Variants in CFAP299 observed in about 807,000 individuals in gnomAD.
The protein encoded by CFAP299 is cilia- and flagella-associated protein 299.
A neutral mutation model predicts 27.0 loss-of-function variants in CFAP299; 21 were observed. The observed-to-expected ratio is 0.78, with a 90% CI of 0.55 to 1.12. The LOEUF (loss-of-function observed/expected upper bound fraction) is 1.12. CFAP299 is among the 50% of genes most tolerant of loss of function. The pLI, the probability that CFAP299 is intolerant of heterozygous loss-of-function variation, is 0.00. For missense variants in CFAP299, 310 were observed against 276.6 expected, an observed-to-expected ratio of 1.12 and a Z score of -0.86; for synonymous variants, 104 against 98.1, an observed-to-expected ratio of 1.06 and a Z score of -0.36.
chr4:80,593,685 G>A (rs1262520840), intron 3 of CFAP299, among the ~76,000 whole-genome samples: 1 of 152,070 alleles, frequency 6.6e-6, no homozygotes, highest in East Asian at 1.9e-4. Flanking sequence ...TACTGATTTT[G>A]TGTTGTTCAT....
intron 3 of CFAP299, among the ~76,000 whole-genome samples, chr4:80,736,813 G>A (rs1190774402): frequency 6.6e-6 from 1 of 152,124 alleles, no homozygotes; most frequent in African/African-American, 2.4e-5. Flanking sequence ...CCATTACTGG[G>A]TATATATCCA....
At chr4:80,710,031 A>G in intron 3 of CFAP299, among the ~76,000 whole-genome samples, 1 of 152,144 alleles carries the variant, frequency 6.6e-6, no homozygotes, top group East Asian at 1.9e-4. Context: ...ATTCATCCAT[A>G]AAGTGGGAAT....
intron 4 of CFAP299, among the ~76,000 whole-genome samples, chr4:80,902,482 GTATATATACATATATATGGATATA>G (rs1560469759): frequency 8.8e-6 from 1 of 114,244 alleles, no homozygotes; most frequent in Non-Finnish European, 1.6e-5. Context: ...ATGTATATAT[GTATATATACATATATATGGATATA>G]TATCCATATG....
intron 3 of CFAP299, among the ~76,000 whole-genome samples, chr4:80,771,452 C>A (rs1451138840): frequency 1.3e-5 from 2 of 152,066 alleles, no homozygotes; most frequent in Non-Finnish European, 2.9e-5. Context: ...TCTCATAATT[C>A]TGTTGAATAA....
At chr4:80,400,835 G>A (rs1726113558) in intron 2 of CFAP299, among the ~76,000 whole-genome samples, 1 of 152,230 alleles carries the variant, frequency 6.6e-6, no homozygotes, top group East Asian at 1.9e-4. Context: ...GAGAAAGTTT[G>A]GAACTTCCTG....
At chr4:80,866,384 G>A (rs1035398935) in intron 3 of CFAP299, among the ~76,000 whole-genome samples, 1 of 151,992 alleles carries the variant, frequency 6.6e-6, no homozygotes, top group African/African-American at 2.4e-5. Context: ...GACCCTGACA[G>A]CACATGAATG....
intron 3 of CFAP299, among the ~76,000 whole-genome samples, chr4:80,750,253 A>T (rs1242855554): frequency 6.6e-6 from 1 of 152,170 alleles, no homozygotes; most frequent in African/African-American, 2.4e-5. Flanking sequence ...AATTTTAACT[A>T]ATTTGATATA....
chr4:80,556,648 G>A (rs1379204793), intron 2 of CFAP299, among the ~76,000 whole-genome samples: 1 of 151,904 alleles, frequency 6.6e-6, no homozygotes, highest in Non-Finnish European at 1.5e-5. Flanking sequence ...TTAGTTTGAG[G>A]TCAAAAGATT....
chr4:80,423,885 G>T (rs1219698711), intron 2 of CFAP299, among the ~76,000 whole-genome samples: 1 of 152,204 alleles, frequency 6.6e-6, no homozygotes, highest in Admixed American at 6.5e-5. Context: ...TGTGTTCCAA[G>T]GGAGAAGGCC....
intron 2 of CFAP299, among the ~76,000 whole-genome samples, chr4:80,443,343 A>G (rs1728458968): frequency 6.6e-6 from 1 of 152,172 alleles, no homozygotes; most frequent in Admixed American, 6.5e-5. Flanking sequence ...TGATCAAGTC[A>G]CCTTCATCCC....
intron 4 of CFAP299, among the ~76,000 whole-genome samples, chr4:80,922,872 T>C (rs1736114112): frequency 6.7e-6 from 1 of 149,276 alleles, no homozygotes; most frequent in African/African-American, 2.4e-5. Flanking sequence ...TAAAATATTA[T>C]AAATATAATC....
At chr4:80,690,154 G>T (rs1258529811) in intron 3 of CFAP299, among the ~76,000 whole-genome samples, 5 of 149,664 alleles carry the variant, frequency 3.3e-5, no homozygotes, top group Admixed American at 2.0e-4. Flanking sequence ...AATCAACAAG[G>T]ATACCCAGGT....
chr4:80,641,358 C>T (rs1251174967), intron 3 of CFAP299, among the ~76,000 whole-genome samples: 1 of 152,062 alleles, frequency 6.6e-6, no homozygotes, highest in African/African-American at 2.4e-5. Context: ...GCACACACCA[C>T]CATGCCAGGC....
intron 5 of CFAP299, among the ~76,000 whole-genome samples, chr4:80,961,622 A>C (rs1007943028): frequency 2.0e-5 from 3 of 151,834 alleles, no homozygotes; most frequent in African/African-American, 7.2e-5. Flanking sequence ...AAAAGAGATA[A>C]AGGTCTTTCT....
At chr4:80,606,275 G>T (rs868274289) in intron 3 of CFAP299, among the ~76,000 whole-genome samples, 1 of 152,146 alleles carries the variant, frequency 6.6e-6, no homozygotes, top group African/African-American at 2.4e-5. Flanking sequence ...GGTGGCTCAC[G>T]CTTGTAATCC....
intron 2 of CFAP299, among the ~76,000 whole-genome samples, chr4:80,482,590 A>G (rs1730620853): frequency 6.6e-6 from 1 of 152,164 alleles, no homozygotes; most frequent in Admixed American, 6.5e-5. Context: ...TAGAAGAGGT[A>G]GCATTACTAT....
chr4:80,455,503 A>G (rs1729100451), intron 2 of CFAP299, among the ~76,000 whole-genome samples: 1 of 152,348 alleles, frequency 6.6e-6, no homozygotes, highest in South Asian at 2.1e-4. Context: ...ATTCTTAAAA[A>G]CTAGGACAGA....
At chr4:80,798,519 C>T (rs1292351069) in intron 3 of CFAP299, among the ~76,000 whole-genome samples, 1 of 152,116 alleles carries the variant, frequency 6.6e-6, no homozygotes, top group East Asian at 1.9e-4. Flanking sequence ...TAACAGCAGA[C>T]ACCTGGTGAA....
At chr4:80,704,443 T>C (rs911657416) in intron 3 of CFAP299, among the ~76,000 whole-genome samples, 3 of 151,714 alleles carry the variant, frequency 2.0e-5, no homozygotes, top group Admixed American at 6.6e-5. Context: ...ATTTAAGGAA[T>C]GCAGAGTTAA....
Sources: gnomAD v4.1 joint callset for allele counts (sites outside exome capture counted in the v4.1 genomes callset) on GRCh38, gnomAD v4.1.1 for gene constraint, MANE v1.5 for transcripts, NCBI Gene and HGNC (gene_info 2026-07-23, HGNC 2026-07-21) for gene names.